Variants in SLC2A14 observed in about 807,000 individuals in gnomAD.
The protein encoded by SLC2A14 is solute carrier family 2 member 14.
Under a neutral mutation model 43.0 loss-of-function variants are expected in SLC2A14, and 13 were observed. That is an observed-to-expected ratio of 0.30 (90% CI 0.20 to 0.48). The LOEUF is 0.48. SLC2A14 is among the 20% of genes least tolerant of loss of function. The pLI, the probability that SLC2A14 is intolerant of heterozygous loss-of-function variation, is 0.99. For synonymous variants in SLC2A14, 190 were observed against 233.8 expected (o/e 0.81, Z 1.71); for missense variants, 428 against 620.4 (o/e 0.69, Z 3.29).
At chr12:7,840,798 G>A (rs984908458) in intron 2 of SLC2A14, among the ~76,000 whole-genome samples, 3 of 152,128 alleles carry the variant, frequency 2.0e-5, no homozygotes, top group Non-Finnish European at 2.9e-5. Context: ...ACCTACTGGC[G>A]GTCTAGACGT....
chr12:7,853,363 C>T (rs1299957491), intron 2 of SLC2A14, among the ~76,000 whole-genome samples: 3 of 138,440 alleles, frequency 2.2e-5, no homozygotes, highest in Non-Finnish European at 3.0e-5. Flanking sequence ...CGCTTGAACC[C>T]GGGAGGTGGA....
At chr12:7,884,644 A>G (rs554886767) in intron 1 of SLC2A14, among the ~76,000 whole-genome samples, 13 of 152,180 alleles carry the variant, frequency 8.5e-5, no homozygotes, top group African/African-American at 1.7e-4. Context: ...TCTCAACATC[A>G]TCATCACTTC....
intron 2 of SLC2A14, among the ~76,000 whole-genome samples, chr12:7,849,461 G>A (rs1866742110): frequency 6.6e-6 from 1 of 151,994 alleles, no homozygotes; most frequent in African/African-American, 2.4e-5. Context: ...CCATGATCAT[G>A]CCACTACACT....
chr12:7,876,255 TG>T (rs1304856326), upstream of SLC2A14, among the ~76,000 whole-genome samples: 3 of 115,616 alleles, frequency 2.6e-5, no homozygotes, highest in African/African-American at 1.0e-4. Flanking sequence ...CACTCCAGCC[TG>T]GGTGACAGAG....
intron 1 of SLC2A14, among the ~76,000 whole-genome samples, chr12:7,885,942 T>C (rs891962260): frequency 2.0e-5 from 3 of 152,094 alleles, no homozygotes; most frequent in Admixed American, 2.0e-4. Flanking sequence ...TGTGAAGATT[T>C]ATTGTATTGT....
chr12:7,855,078 G>T (rs1425411057), intron 2 of SLC2A14, among the ~76,000 whole-genome samples: 3 of 152,062 alleles, frequency 2.0e-5, no homozygotes, highest in Non-Finnish European at 4.4e-5. Context: ...AAAGGGCTGG[G>T]ATTACAGGCA....
At chr12:7,879,390 CA>C (rs1212505183) in intron 1 of SLC2A14, among the ~76,000 whole-genome samples, 1 of 150,708 alleles carries the variant, frequency 6.6e-6, no homozygotes. Context: ...GTCTCAACAA[CA>C]AAAAAAGAGG....
Position 7,832,733 on chromosome 12 carries a change from C to A in SLC2A14, c.100G>T (p.Ala34Ser), listed in dbSNP as rs374261972. 2 of 1,613,928 alleles carry A rather than the reference C, an allele frequency of 1.2e-6. No homozygotes were observed. The highest frequency in any genetic ancestry group is 2.2e-5 in the East Asian group (1 of 44,890). Residue 34 changes from alanine to serine, a missense_variant, in exon 3 of 11, where the codon GCT becomes TCT. Transcript: ENST00000431042. ...GGCCTGGCACTCACCGTCTCAGGAGCATTGATGACCCCAGTGTTGTAGCCA... is the reference window on the plus strand; with the variant it reads ...GGCCTGGCACTCACCGTCTCAGGAGAATTGATGACCCCAGTGTTGTAGCCA... ...QFGYNTGVIN[A>S]PETIIKEFIN...
intron 7 of SLC2A14, among the ~76,000 whole-genome samples, chr12:7,826,834 T>TTTCC (rs71038778): frequency 0.03 from 880 of 29,646 alleles, 129 homozygotes; most frequent in East Asian, 0.25. Flanking sequence ...TCTTTCTTTC[T>TTTCC]TTCCTTCCTT....
Position 7,818,041 on chromosome 12 carries a change from G to A in SLC2A14, c.1072-7C>T. 1 of 1,612,322 alleles carries A rather than the reference G, an allele frequency of 6.2e-7. No individual in the cohort carries two copies. The highest frequency in any genetic ancestry group is 8.5e-7 in the Non-Finnish European group (1 of 1,179,046). ...TCATCCCATTATAGTGATTCTGTAAGAGGAAGGAACACAGAAGATTAAATT... is the reference window on the plus strand; with the variant it reads ...TCATCCCATTATAGTGATTCTGTAAAAGGAAGGAACACAGAAGATTAAATT... On this transcript the variant is annotated splice_polypyrimidine_tract_variant and splice_region_variant and intron_variant, in intron 9 of 10. Coordinates refer to ENST00000431042, the MANE Select transcript of SLC2A14 (RefSeq NM_001286234.2).
upstream of SLC2A14, among the ~76,000 whole-genome samples, chr12:7,875,233 T>A (rs978795252): frequency 2.1e-4 from 22 of 105,306 alleles, no homozygotes; most frequent in Non-Finnish European, 3.3e-4. Flanking sequence ...ATATGTATTT[T>A]TATATATTTA....
intron 2 of SLC2A14, among the ~76,000 whole-genome samples, chr12:7,858,971 G>A (rs1366401295): frequency 3.9e-5 from 6 of 152,028 alleles, no homozygotes; most frequent in Non-Finnish European, 7.4e-5. Flanking sequence ...GTTAATTTTT[G>A]TATACAGTAT....
chr12:7,882,705 C>T (rs1184054664), intron 1 of SLC2A14, among the ~76,000 whole-genome samples: 3 of 151,888 alleles, frequency 2.0e-5, no homozygotes, highest in Admixed American at 6.6e-5. Context: ...AGCATAGTGG[C>T]GCACGCCTGT....
intron 1 of SLC2A14, chr12:7,870,914 T>A (rs1425962701): frequency 1.4e-6 from 2 of 1,404,610 alleles, no homozygotes; most frequent in South Asian, 2.3e-5. Context: ...AGGGGCCACA[T>A]CCAATGTCTT....
At chr12:7,864,592 C>T (rs889966170) in intron 2 of SLC2A14, among the ~76,000 whole-genome samples, 8 of 152,202 alleles carry the variant, frequency 5.3e-5, no homozygotes, top group African/African-American at 1.7e-4. Flanking sequence ...CCGGCCTCGG[C>T]CTCCCAAAGT....
At chr12:7,875,135 T>TTAAATGTTATATTTAAAATTAAATATATA (rs1945435115), upstream of SLC2A14, among the ~76,000 whole-genome samples, 2 of 109,452 alleles carry the variant, frequency 1.8e-5, no homozygotes, top group African/African-American at 7.4e-5. Context: ...TTAAATATAT[T>TTAAATGTTATATTTAAAATTAAATATATA]TAAATATTAT....
At chr12:7,871,148 A>G in intron 1 of SLC2A14, 5 of 1,304,524 alleles carry the variant, frequency 3.8e-6, no homozygotes, top group Admixed American at 2.7e-5. Flanking sequence ...AATGGAACAG[A>G]CCCCCAGGAT....
upstream of SLC2A14, among the ~76,000 whole-genome samples, chr12:7,874,942 ATATAAATATATTTAT>A (rs1565585190): frequency 3.3e-5 from 1 of 30,400 alleles, no homozygotes; most frequent in Non-Finnish European, 6.1e-5. Context: ...TATAATTTAT[ATATAAATATATTTAT>A]ATATAAATTA....
chr12:7,890,768 G>T (rs769110220), intron 1 of SLC2A14: 155 of 319,092 alleles, frequency 4.9e-4, no homozygotes, highest in African/African-American at 3.0e-3. Context: ...TTCAGCTCAG[G>T]CTTTTATGCA....
Sources: gnomAD v4.1 joint callset for allele counts (sites outside exome capture counted in the v4.1 genomes callset) on GRCh38, gnomAD v4.1.1 for gene constraint, MANE v1.5 for transcripts, NCBI Gene and HGNC (gene_info 2026-07-23, HGNC 2026-07-21) for gene names.